PLA2G6: variants seen among roughly 807,000 people sequenced by gnomAD.
PLA2G6 encodes the protein 85/88 kDa calcium-independent phospholipase A2.
PLA2G6 carries 62 observed loss-of-function variants against 83.8 expected under a neutral mutation model. The observed-to-expected ratio is 0.74, with a 90% CI of 0.60 to 0.91. The LOEUF (loss-of-function observed/expected upper bound fraction) is 0.91, where lower values mean the gene tolerates loss of function less well. PLA2G6 is among the 40% of genes least tolerant of loss of function. PLA2G6 has a pLI of 0.00. For missense variants in PLA2G6, 944 were observed against 1,102.0 expected (o/e 0.86, Z 2.03); for synonymous variants, 417 against 449.8 (o/e 0.93, Z 0.92).
intron 2 of PLA2G6, among the ~76,000 whole-genome samples, chr22:38,157,851 A>G (rs2089847625): frequency 6.6e-6 from 1 of 152,074 alleles, no homozygotes; most frequent in Admixed American, 6.6e-5. Context: ...CCTGGCCAAC[A>G]TGGTGAAACC....
intron 5 of PLA2G6, chr22:38,139,454 G>C (rs1001984841): frequency 1.2e-5 from 1 of 83,198 alleles, no homozygotes; most frequent in Non-Finnish European, 2.9e-5. Context: ...TTTATTTTTT[G>C]AGACAGTTTC....
chr22:38,134,786 C>T (rs560823891), intron 6 of PLA2G6: 39 of 585,624 alleles, frequency 6.7e-5, no homozygotes, highest in African/African-American at 3.0e-4. Context: ...AGGCACAGGG[C>T]GGATCCCCCC....
intron 10 of PLA2G6, among the ~76,000 whole-genome samples, chr22:38,125,274 T>C (rs1461218544): frequency 1.3e-5 from 2 of 149,960 alleles, no homozygotes; most frequent in African/African-American, 2.4e-5. Flanking sequence ...AACACATGCA[T>C]GTGGGCAACC....
At chr22:38,143,703 C>T (rs1004369320) in intron 3 of PLA2G6, 13 of 336,446 alleles carry the variant, frequency 3.9e-5, no homozygotes, top group Middle Eastern at 2.1e-3. Flanking sequence ...CAGTGCTGTC[C>T]AAAAGCACGC....
At chr22:38,113,352 C>T (rs2086996150) in intron 15 of PLA2G6, 135 bp downstream of exon 15, 6 of 871,798 alleles carry the variant, frequency 6.9e-6, no homozygotes, top group Non-Finnish European at 7.7e-6. Flanking sequence ...CTCTCTCTCC[C>T]TCCAGCTGGC....
At chr22:38,168,420 C>T (rs1444211467) in intron 2 of PLA2G6, among the ~76,000 whole-genome samples, 1 of 152,248 alleles carries the variant, frequency 6.6e-6, no homozygotes, top group African/African-American at 2.4e-5. Flanking sequence ...GGCCCGGTTC[C>T]CTCAGGCCTG....
chr22:38,125,827 T>C, intron 10 of PLA2G6: 1 of 412,384 alleles, frequency 2.4e-6, no homozygotes, highest in Non-Finnish European at 5.0e-6. Context: ...TTTGTCCTGG[T>C]ACCTTGCCGT....
At chr22:38,159,799 GA>G (rs2089939907) in intron 2 of PLA2G6, among the ~76,000 whole-genome samples, 1 of 149,838 alleles carries the variant, frequency 6.7e-6, no homozygotes, top group South Asian at 2.1e-4. Flanking sequence ...GAGAAAGAAG[GA>G]ATGCTTCTCA....
intron 2 of PLA2G6, chr22:38,168,039 T>C (rs1240286868): frequency 5.9e-6 from 1 of 169,196 alleles, no homozygotes. Flanking sequence ...AGACGCAGAG[T>C]AGCTCTCAAT....
intron 2 of PLA2G6, among the ~76,000 whole-genome samples, chr22:38,164,443 T>A (rs1228519851): frequency 6.6e-6 from 1 of 152,220 alleles, no homozygotes; most frequent in African/African-American, 2.4e-5. Flanking sequence ...GGGACTGTCG[T>A]GAGGATAACA....
intron 2 of PLA2G6, among the ~76,000 whole-genome samples, chr22:38,151,546 C>G (rs1278274751): frequency 6.6e-6 from 1 of 152,088 alleles, no homozygotes; most frequent in Non-Finnish European, 1.5e-5. Flanking sequence ...GGGCCAAAAG[C>G]TTTCTCTTCA....
At position 38,129,521 on chromosome 22, in the gene PLA2G6, T is replaced by G. The variant is rs1175607172; in HGVS notation, c.1119A>C (p.Gly373=). The G allele has an allele frequency of 5.6e-6, 9 of 1,613,976 alleles. No homozygotes were observed. Among genetic ancestry groups the G allele is most frequent in the Non-Finnish European group, 7.6e-6 (9 of 1,179,970 alleles). The part of the protein sequence containing the change: ...VEMIKALIVF[G]AEVDTPNDFG... The stretch of plus-strand genomic sequence containing the variant: ...AGTCATTCGGGGTGTCCACTTCTGC[T>G]CCGAACACGATGAGGGCCTTGATCA... The change falls in exon 8 of 17, where the codon GGA becomes GGC. Residue 373 remains glycine, a synonymous_variant. Transcript: ENST00000332509.
chr22:38,162,308 T>C (rs2090050196), intron 2 of PLA2G6, among the ~76,000 whole-genome samples: 1 of 150,840 alleles, frequency 6.6e-6, no homozygotes, highest in Admixed American at 6.6e-5. Flanking sequence ...CAAGCAGTTC[T>C]GGGGTGGTGA....
intron 2 of PLA2G6, among the ~76,000 whole-genome samples, chr22:38,154,182 C>T (rs1462440094): frequency 6.6e-6 from 1 of 152,186 alleles, no homozygotes; most frequent in Non-Finnish European, 1.5e-5. Flanking sequence ...AACTTGCTGC[C>T]TTGAAGGGAA....
intron 2 of PLA2G6, among the ~76,000 whole-genome samples, chr22:38,155,681 T>C (rs1009032035): frequency 6.6e-6 from 1 of 151,834 alleles, no homozygotes; most frequent in Non-Finnish European, 1.5e-5. Context: ...ATACAGCAGA[T>C]ACACACAAAA....
chr22:38,170,155 G>A (rs573477287), intron 1 of PLA2G6, among the ~76,000 whole-genome samples: 70 of 146,828 alleles, frequency 4.8e-4, no homozygotes, highest in African/African-American at 1.7e-3. Flanking sequence ...CTGAGATCGC[G>A]CCACTGCACT....
chr22:38,125,162 G>GTGCA (rs1186346395), intron 10 of PLA2G6, among the ~76,000 whole-genome samples: 1 of 152,208 alleles, frequency 6.6e-6, no homozygotes, highest in East Asian at 1.9e-4. Context: ...GGGTGTCCAT[G>GTGCA]TGCATGCATG....
chr22:38,168,673 A>C (rs1193672648), intron 2 of PLA2G6, among the ~76,000 whole-genome samples: 1 of 152,128 alleles, frequency 6.6e-6, no homozygotes, highest in East Asian at 1.9e-4. Flanking sequence ...AATATGATGA[A>C]ACCCCGTCTC....
intron 1 of PLA2G6, among the ~76,000 whole-genome samples, chr22:38,174,254 T>C (rs985084136): frequency 4.6e-5 from 7 of 151,876 alleles, no homozygotes; most frequent in South Asian, 4.2e-4. Flanking sequence ...AAAAATTAGC[T>C]GGGCGTGGTG....
Sources: gnomAD v4.1 joint callset for allele counts (sites outside exome capture counted in the v4.1 genomes callset) on GRCh38, gnomAD v4.1.1 for gene constraint, MANE v1.5 for transcripts, NCBI Gene and HGNC (gene_info 2026-07-23, HGNC 2026-07-21) for gene names.